CALN1: variants seen among roughly 807,000 people sequenced by gnomAD.
The protein encoded by CALN1 is calneuron 1, also known as calcium-binding protein 8.
CALN1 carries 17 observed loss-of-function variants against 30.6 expected under a neutral mutation model. The ratio of observed to expected loss-of-function variants is 0.56; its 90% CI spans 0.38 to 0.83. The LOEUF (loss-of-function observed/expected upper bound fraction) is 0.83. Among genes scored for constraint, CALN1 ranks in the 40% least tolerant of loss-of-function variants. The pLI is 0.00. For synonymous variants in CALN1, 156 were observed against 131.4 expected, an observed-to-expected ratio of 1.19 and a Z score of -1.28; for missense variants, 291 against 354.9, an observed-to-expected ratio of 0.82 and a Z score of 1.45.
intron 1 of CALN1, among the ~76,000 whole-genome samples, chr7:72,438,101 G>A (rs1808232549): frequency 6.7e-6 from 1 of 149,076 alleles, no homozygotes. Flanking sequence ...AGCCTCCCAA[G>A]CAGCTGGTTC....
At chr7:72,230,330 T>C (rs944290864) in intron 3 of CALN1, among the ~76,000 whole-genome samples, 3 of 106,162 alleles carry the variant, frequency 2.8e-5, no homozygotes, top group Non-Finnish European at 5.5e-5. Flanking sequence ...ACTCTGTCTC[T>C]ACAATAGATA....
intron 5 of CALN1, among the ~76,000 whole-genome samples, chr7:71,882,675 T>C (rs975192195): frequency 2.6e-5 from 4 of 151,500 alleles, no homozygotes; most frequent in African/African-American, 9.7e-5. Flanking sequence ...TCCCTTGTCC[T>C]ACTTAAAAAA....
chr7:72,388,526 TTAAG>T (rs574677109), intron 2 of CALN1, among the ~76,000 whole-genome samples: 3 of 152,190 alleles, frequency 2.0e-5, no homozygotes, highest in Non-Finnish European at 4.4e-5. Context: ...TGTACCATAC[TTAAG>T]TAAAATGCTA....
At position 72,347,686 on chromosome 7, in the gene CALN1, A is replaced by G. The variant is rs187698320; in HGVS notation, c.119+55565T>C. On this transcript the variant is annotated intron_variant, in intron 2 of 6. Transcript: ENST00000395275. ...CGTAATAAAAGCTAGTACAACTTAC[A>G]ATCATTGGTATCATCTTTGGTGCAC... Among the ~76,000 whole-genome samples, 147 of 152,330 alleles carry G rather than the reference A, an allele frequency of 9.7e-4. 1 individual carries two copies. The highest frequency in any genetic ancestry group is 3.3e-3 in the African/African-American group (137 of 41,582).
intron 2 of CALN1, among the ~76,000 whole-genome samples, chr7:72,342,662 G>A (rs750929908): frequency 2.0e-5 from 3 of 152,064 alleles, no homozygotes; most frequent in African/African-American, 7.2e-5. Context: ...CTAGCTTTGG[G>A]ATTCAGAGTT....
chr7:72,350,648 T>G (rs1251713714), intron 2 of CALN1, among the ~76,000 whole-genome samples: 1 of 151,960 alleles, frequency 6.6e-6, no homozygotes, highest in Admixed American at 6.6e-5. Flanking sequence ...CAGGAGGAAG[T>G]TGAGGATCAG....
chr7:71,896,763 G>C (rs1365239784), intron 5 of CALN1, among the ~76,000 whole-genome samples: 1 of 152,140 alleles, frequency 6.6e-6, no homozygotes, highest in Non-Finnish European at 1.5e-5. Flanking sequence ...GGCAGCCAGA[G>C]AGCTCTTAGC....
intron 4 of CALN1, among the ~76,000 whole-genome samples, chr7:72,043,629 G>A (rs988629270): frequency 7.2e-5 from 11 of 152,042 alleles, no homozygotes; most frequent in Non-Finnish European, 1.3e-4. Flanking sequence ...AACTTGGCCA[G>A]GCATGATGTC....
At chr7:71,888,973 G>T (rs142420898) in intron 5 of CALN1, among the ~76,000 whole-genome samples, 1 of 152,222 alleles carries the variant, frequency 6.6e-6, no homozygotes, top group Admixed American at 6.5e-5. Flanking sequence ...GAGGGAAGCC[G>T]CAGTGTGGTG....
chr7:72,312,544 T>A (rs909609212), intron 2 of CALN1, among the ~76,000 whole-genome samples: 8 of 152,200 alleles, frequency 5.3e-5, no homozygotes, highest in African/African-American at 1.9e-4. Flanking sequence ...GGGTTGCAGG[T>A]GAGCCATGTA....
At chr7:72,106,433 G>C in intron 3 of CALN1, 139 bp from the exon 4 acceptor site, 1 of 976,332 alleles carries the variant, frequency 1.0e-6, no homozygotes, top group Non-Finnish European at 1.5e-6. Context: ...AGATAAAAGG[G>C]AGGACAGAAG....
chr7:72,272,166 A>G (rs1276515186), intron 3 of CALN1, among the ~76,000 whole-genome samples: 3 of 152,156 alleles, frequency 2.0e-5, no homozygotes, highest in Non-Finnish European at 4.4e-5. Flanking sequence ...ACACTGGTCA[A>G]CTACTAAAAT....
intron 3 of CALN1, among the ~76,000 whole-genome samples, chr7:72,170,485 A>C (rs557271210): frequency 3.0e-4 from 46 of 152,328 alleles, no homozygotes; most frequent in African/African-American, 1.0e-3. Flanking sequence ...AAAAGACAAA[A>C]AAGAAGTGAA....
In CALN1 at chr7:72,311,630, C is replaced by A. The variant is rs747528781; in HGVS notation, c.120-32820G>T. Among the ~76,000 whole-genome samples the A allele has an allele frequency of 2.0e-5, 3 of 148,980 alleles. No homozygotes were observed. In the Admixed American group the frequency reaches 2.0e-4, roughly 10 times the overall value. ...AAGTAGCTGGGACTACAGGCACATG[C>A]CACCACAACGCCTGGCTGAGATTTT... On this transcript the variant is annotated intron_variant, in intron 2 of 6. Transcript: ENST00000395275.
rs1563111506 is a variant in CALN1, at chr7:72,163,391, T to TAAAAAA, written c.245-57098_245-57097insTTTTTT. ...CTACAAGAAAAAAACTTATTGGAGA[T>TAAAAAA]TAAAAAAAAAAAAAAAAAACAGAAA... On this transcript the variant is annotated intron_variant, in intron 3 of 6. Transcript: ENST00000395275. Among the ~76,000 whole-genome samples the TAAAAAA allele has an allele frequency of 2.1e-3, 279 of 130,374 alleles. 4 individuals are homozygous for TAAAAAA. Among genetic ancestry groups the TAAAAAA allele is most frequent in the African/African-American group, 7.0e-3 (247 of 35,116 alleles). 85.5% of individuals were successfully genotyped at this position (130,374 alleles called of 152,430 possible). A position where few individuals can be genotyped will look rare whatever the true frequency, so the allele number is the denominator to read the frequency against.
At chr7:72,487,890 A>AAAAGAAAAG in the CALN1 span, among the ~76,000 whole-genome samples, 24 of 60,288 alleles carry the variant, frequency 4.0e-4, no homozygotes, top group South Asian at 1.5e-3. Flanking sequence ...GAAAGAAAAG[A>AAAAGAAAAG]AAAGAAAGAA....
intron 5 of CALN1, among the ~76,000 whole-genome samples, chr7:71,821,067 G>A (rs1310220086): frequency 6.6e-6 from 1 of 152,122 alleles, no homozygotes; most frequent in African/African-American, 2.4e-5. Context: ...GTTCCTGAGG[G>A]ACAGCCCAGT....
At chr7:72,439,115 C>T (rs945846107) in intron 1 of CALN1, among the ~76,000 whole-genome samples, 7 of 152,194 alleles carry the variant, frequency 4.6e-5, no homozygotes, top group African/African-American at 1.4e-4. Context: ...TAGCTCACTG[C>T]AGCCTCCTGG....
In CALN1 at chr7:72,359,976, C is replaced by CAAAAAA. The variant is rs750054515; in HGVS notation, c.119+43269_119+43274dup. 6.3e-5 allele frequency among the ~76,000 whole-genome samples: 4 copies of CAAAAAA among 63,962 alleles called. 1 individual carries two copies. In the South Asian group the frequency reaches 2.6e-3, roughly 41 times the overall value. 42.0% of individuals were successfully genotyped at this position (63,962 alleles called of 152,430 possible). A position where few individuals can be genotyped will look rare whatever the true frequency, so the allele number is the denominator to read the frequency against. ...TGGGTGACAGAGTGAGACTCCATCT[C>CAAAAAA]AAAAAAAAAAAAAAACCAAAGTTGA... On this transcript the variant is annotated intron_variant, in intron 2 of 6. Coordinates refer to ENST00000395275, the MANE Select transcript of CALN1 (RefSeq NM_031468.4).
Sources: allele counts gnomAD v4.1 joint callset (sites outside exome capture counted in the v4.1 genomes callset), GRCh38; gene constraint gnomAD v4.1.1; transcripts MANE v1.5; gene names NCBI Gene and HGNC (gene_info 2026-07-23, HGNC 2026-07-21).